Variants in APBA2 observed in about 807,000 individuals in gnomAD.
APBA2 encodes the protein amyloid-beta A4 precursor protein-binding family A member 2.
A neutral mutation model predicts 75.0 loss-of-function variants in APBA2; 30 were observed. The ratio of observed to expected loss-of-function variants is 0.40; its 90% CI spans 0.30 to 0.54. APBA2 has a LOEUF of 0.54. APBA2 is among the 20% of genes least tolerant of loss of function. The probability of loss-of-function intolerance (pLI) is 0.49; values close to 1 mark genes in which losing one functional copy is unlikely to be tolerated. For missense variants in APBA2, 801 were observed against 1,016.1 expected, an observed-to-expected ratio of 0.79 and a Z score of 2.88; for synonymous variants, 444 against 409.6, an observed-to-expected ratio of 1.08 and a Z score of -1.01.
Position 29,069,661 on chromosome 15 carries a change from A to C in APBA2, c.952-5260A>C, listed in dbSNP as rs376394773. On this transcript the variant is annotated intron_variant, in intron 4 of 14. Coordinates refer to ENST00000683413, the MANE Select transcript of APBA2 (RefSeq NM_001353788.2). ...TGGAGGGTCTGAGGCTGGCAGGATC[A>C]CTGGGTTCTGTCTCCACATTGGAAG... is the stretch of plus-strand genomic sequence containing the variant. Among the ~76,000 whole-genome samples the C allele has an allele frequency of 2.2e-4, 33 of 152,322 alleles. No homozygotes were observed. In the South Asian group the frequency reaches 6.0e-3, roughly 28 times the overall value.
At chr15:28,957,469 A>G (rs1201259441) in intron 2 of APBA2, among the ~76,000 whole-genome samples, 2 of 152,174 alleles carry the variant, frequency 1.3e-5, no homozygotes, top group East Asian at 3.8e-4. Flanking sequence ...TGTTTTAAGG[A>G]TAGCATTTTC....
chr15:29,108,680 C>T, intron 13 of APBA2: 2 of 544,076 alleles, frequency 3.7e-6, no homozygotes, highest in South Asian at 4.1e-5. Context: ...GGGCAGCAGA[C>T]TTCACCAGCC....
At chr15:28,893,712 G>A (rs1207255345) in intron 1 of APBA2, among the ~76,000 whole-genome samples, 1 of 152,228 alleles carries the variant, frequency 6.6e-6, no homozygotes, top group Non-Finnish European at 1.5e-5. Context: ...ATGTGCGGTT[G>A]TTGGGGAAGA....
At chr15:29,083,011 G>A (rs1353389255) in intron 6 of APBA2, among the ~76,000 whole-genome samples, 1 of 151,938 alleles carries the variant, frequency 6.6e-6, no homozygotes, top group Non-Finnish European at 1.5e-5. Context: ...GCAGTGAGCC[G>A]AGATCGTGCC....
At chr15:28,923,269 C>A (rs2152674449) in intron 2 of APBA2, among the ~76,000 whole-genome samples, 1 of 152,266 alleles carries the variant, frequency 6.6e-6, no homozygotes, top group East Asian at 1.9e-4. Flanking sequence ...ACTTCCAGCT[C>A]TTATTGCTTC....
chr15:28,996,077 A>C (rs1019142221), intron 3 of APBA2, among the ~76,000 whole-genome samples: 2 of 152,110 alleles, frequency 1.3e-5, no homozygotes, highest in African/African-American at 4.8e-5. Flanking sequence ...ACACAGCAAG[A>C]CACGCACTCC....
intron 2 of APBA2, among the ~76,000 whole-genome samples, chr15:28,983,401 A>G (rs889936870): frequency 2.0e-5 from 3 of 152,320 alleles, no homozygotes; most frequent in South Asian, 2.1e-4. Flanking sequence ...CAAGGAGGAC[A>G]CCAGAGTCCT....
intron 4 of APBA2, among the ~76,000 whole-genome samples, chr15:29,074,048 C>T (rs1328133766): frequency 6.6e-6 from 1 of 151,666 alleles, no homozygotes; most frequent in Non-Finnish European, 1.5e-5. Context: ...TTGGTGGGAA[C>T]GTAAATAGTA....
intron 2 of APBA2, among the ~76,000 whole-genome samples, chr15:28,974,623 A>G (rs891736101): frequency 6.6e-6 from 1 of 152,258 alleles, no homozygotes; most frequent in African/African-American, 2.4e-5. Flanking sequence ...AAAATTAATC[A>G]TAAGATTAAA....
At chr15:29,014,149 G>A (rs2039541194) in intron 3 of APBA2, among the ~76,000 whole-genome samples, 1 of 152,130 alleles carries the variant, frequency 6.6e-6, no homozygotes, top group South Asian at 2.1e-4. Flanking sequence ...TCCCTGAATC[G>A]ATGCCTGCTT....
intron 2 of APBA2, among the ~76,000 whole-genome samples, chr15:28,959,504 A>G (rs947667452): frequency 7.2e-5 from 11 of 152,328 alleles, no homozygotes; most frequent in African/African-American, 2.6e-4. Context: ...GTGTACATAC[A>G]TGGCGGAAGA....
intron 1 of APBA2, among the ~76,000 whole-genome samples, chr15:28,907,342 T>C (rs1369068023): frequency 6.6e-6 from 1 of 152,228 alleles, no homozygotes; most frequent in Non-Finnish European, 1.5e-5. Flanking sequence ...TTTACTGCTT[T>C]ATTCTTGTGC....
intron 1 of APBA2, chr15:28,919,469 GC>G: frequency 6.6e-6 from 1 of 152,574 alleles, no homozygotes; most frequent in Non-Finnish European, 1.5e-5. Context: ...GCAGGTGGCA[GC>G]CCCCGGCCCC....
Position 29,074,985 on chromosome 15 carries a change from A to G in APBA2, c.1016A>G (p.Asn339Ser), listed in dbSNP as rs949393976. ...QRSDLNGPVDNNNIPETKKVA... is the reference protein window; with the variant it reads ...QRSDLNGPVDSNNIPETKKVA... ...TCTGATCTCAATGGACCTGTTGACA[A>G]TAACAACATTCCAGAGGTAATTTTT... Residue 339 changes from asparagine to serine, a missense_variant, in exon 5 of 15, where the codon AAT (asparagine) becomes AGT (serine). Coordinates refer to ENST00000683413, the MANE Select transcript of APBA2 (RefSeq NM_001353788.2). The G allele has an allele frequency of 1.2e-6, 2 of 1,613,880 alleles. No homozygotes were observed. Among genetic ancestry groups the G allele is most frequent in the African/African-American group, 2.7e-5 (2 of 74,936 alleles).
At chr15:28,909,918 A>G (rs1406329200) in intron 1 of APBA2, among the ~76,000 whole-genome samples, 1 of 152,144 alleles carries the variant, frequency 6.6e-6, no homozygotes, top group Non-Finnish European at 1.5e-5. Flanking sequence ...CCTCTGCGTG[A>G]CTGCAGTAGC....
intron 3 of APBA2, among the ~76,000 whole-genome samples, chr15:29,025,327 G>A (rs949304854): frequency 3.4e-5 from 5 of 148,892 alleles, no homozygotes; most frequent in African/African-American, 1.3e-4. Flanking sequence ...ATGCAGTGGC[G>A]CCATCTTAGC....
At chr15:29,042,388 T>C (rs1316301498) in intron 3 of APBA2, among the ~76,000 whole-genome samples, 3 of 152,094 alleles carry the variant, frequency 2.0e-5, no homozygotes, top group Non-Finnish European at 4.4e-5. Flanking sequence ...GTCTCCTGCC[T>C]CAGCCTCCTG....
intron 3 of APBA2, among the ~76,000 whole-genome samples, chr15:29,013,471 C>CG (rs552737822): frequency 6.6e-6 from 1 of 151,922 alleles, no homozygotes; most frequent in African/African-American, 2.4e-5. Flanking sequence ...TAAGTAGAGA[C>CG]GGGGTTTCAC....
chr15:29,075,327 ATAACCATGTTC>A (rs1415172852), intron 5 of APBA2, among the ~76,000 whole-genome samples: 2 of 152,184 alleles, frequency 1.3e-5, no homozygotes, highest in African/African-American at 4.8e-5. Context: ...TCATTGTCTG[ATAACCATGTTC>A]TAAACTAGGG....
Sources: gnomAD v4.1 joint callset for allele counts (sites outside exome capture counted in the v4.1 genomes callset) on GRCh38, gnomAD v4.1.1 for gene constraint, MANE v1.5 for transcripts, NCBI Gene and HGNC (gene_info 2026-07-23, HGNC 2026-07-21) for gene names.